Variants in ANK3 observed in about 807,000 individuals in gnomAD.
ANK3 encodes ankyrin-3.
Under a neutral mutation model 370.9 loss-of-function variants are expected in ANK3, and 57 were observed. That is an observed-to-expected ratio of 0.15 (90% CI 0.12 to 0.19). The LOEUF (loss-of-function observed/expected upper bound fraction) is 0.19, where lower values mean the gene tolerates loss of function less well. Ranked by LOEUF, ANK3 falls within the 10% of genes least tolerant of loss-of-function variation. The pLI is 1.00. For synonymous variants in ANK3, 1,929 were observed against 1,946.3 expected, an observed-to-expected ratio of 0.99 and a Z score of 0.23; for missense variants, 4,439 against 5,302.1, an observed-to-expected ratio of 0.84 and a Z score of 5.06.
intron 28 of ANK3, among the ~76,000 whole-genome samples, chr10:60,091,606 G>A (rs900932875): frequency 5.9e-5 from 9 of 152,122 alleles, no homozygotes; most frequent in African/African-American, 2.2e-4. Context: ...CTGGAGGGAG[G>A]ATAGGAGGGA....
chr10:60,517,762 GAGA>G (rs1330434296), intron 2 of ANK3, among the ~76,000 whole-genome samples: 4 of 123,814 alleles, frequency 3.2e-5, no homozygotes. Flanking sequence ...GAGAAAGAGA[GAGA>G]GAGAGAGAGA....
At chr10:60,664,535 G>C (rs2078973403) in intron 1 of ANK3, among the ~76,000 whole-genome samples, 1 of 152,156 alleles carries the variant, frequency 6.6e-6, no homozygotes, top group South Asian at 2.1e-4. Flanking sequence ...GTTAGCCATT[G>C]AAAGTCTCAA....
intron 7 of ANK3, among the ~76,000 whole-genome samples, chr10:60,240,918 C>A (rs903126620): frequency 1.3e-5 from 2 of 152,206 alleles, no homozygotes; most frequent in African/African-American, 2.4e-5. Context: ...TTAACAATTT[C>A]TTTCAGTAAT....
chr10:60,705,816 TTTTC>T (rs1564592718), intron 1 of ANK3, among the ~76,000 whole-genome samples: 2 of 125,148 alleles, frequency 1.6e-5, no homozygotes, highest in Non-Finnish European at 3.3e-5. Flanking sequence ...AGGTTTTTTT[TTTTC>T]TTTCTTTTTT....
rs578203588 is a variant in ANK3, at chr10:60,671,944, CAG to C, written c.58-56722_58-56721del. 2.8e-3 allele frequency among the ~76,000 whole-genome samples: 421 copies of C among 152,330 alleles called. 1 individual carries two copies. Among genetic ancestry groups the C allele is most frequent in the African/African-American group, 9.8e-3 (409 of 41,582 alleles). On this transcript the variant is annotated intron_variant, in intron 1 of 43. Coordinates refer to the ANK3 transcript ENST00000373827. ...TCATGTATGCAGATAACTGCAGTCC[CAG>C]CTGACATCTTGGCAGCAACTTAGTG...
intron 2 of ANK3, among the ~76,000 whole-genome samples, chr10:60,468,995 GTGTATATA>G (rs201575126): frequency 0.52 from 17,857 of 34,558 alleles, 5,331 homozygotes; most frequent in East Asian, 0.73. Flanking sequence ...CACTTTTAGT[GTGTATATA>G]TATATATATA....
At chr10:60,032,055 G>GCACCAGGC (rs2073717535) in intron 43 of ANK3, among the ~76,000 whole-genome samples, 1 of 151,822 alleles carries the variant, frequency 6.6e-6, no homozygotes, top group Non-Finnish European at 1.5e-5. Context: ...AATCTTGTAG[G>GCACCAGGC]CACCAGGCTT....
chr10:60,239,548 T>C (rs760600775), intron 7 of ANK3, among the ~76,000 whole-genome samples: 67 of 151,978 alleles, frequency 4.4e-4, no homozygotes, highest in Non-Finnish European at 8.2e-4. Flanking sequence ...CAAGGAGTAA[T>C]AAAGACTTTT....
At chr10:60,269,638 C>T (rs1414166993) in intron 5 of ANK3, among the ~76,000 whole-genome samples, 3 of 146,246 alleles carry the variant, frequency 2.1e-5, no homozygotes. Context: ...GAGTGAGACT[C>T]CATCCCCCCT....
intron 33 of ANK3, 126 bp from the exon 34 acceptor site, chr10:60,082,863 TG>T: frequency 8.8e-7 from 1 of 1,141,304 alleles, no homozygotes; most frequent in African/African-American, 1.6e-5. Context: ...AGGGAAAAGA[TG>T]ATGATTACGA....
chr10:60,376,049 G>A (rs764047377), intron 1 of ANK3, among the ~76,000 whole-genome samples: 3 of 152,120 alleles, frequency 2.0e-5, no homozygotes, highest in Non-Finnish European at 4.4e-5. Flanking sequence ...TGAGGGCACA[G>A]GGGCTCAGAG....
intron 2 of ANK3, among the ~76,000 whole-genome samples, chr10:60,538,717 A>T (rs1412966932): frequency 6.6e-6 from 1 of 151,986 alleles, no homozygotes; most frequent in East Asian, 1.9e-4. Context: ...TGCATTTAAA[A>T]CTTCTAAAGG....
At chr10:60,349,535 A>G (rs2132690924) in intron 1 of ANK3, among the ~76,000 whole-genome samples, 1 of 152,252 alleles carries the variant, frequency 6.6e-6, no homozygotes, top group South Asian at 2.1e-4. Flanking sequence ...AAAACTCCAA[A>G]ATGTATGAAA....
chr10:60,450,217 C>T (rs191601087), intron 2 of ANK3, among the ~76,000 whole-genome samples: 1 of 152,142 alleles, frequency 6.6e-6, no homozygotes, highest in East Asian at 1.9e-4. Context: ...TCACTTGAGC[C>T]CAGGAGTTGG....
chr10:60,058,430 A>T (rs1475747463), intron 41 of ANK3, among the ~76,000 whole-genome samples: 2 of 152,242 alleles, frequency 1.3e-5, no homozygotes, highest in Admixed American at 1.3e-4. Flanking sequence ...CATCATGGCA[A>T]TATTATTTGG....
At chr10:60,344,505 G>T (rs933272884) in intron 1 of ANK3, among the ~76,000 whole-genome samples, 10 of 152,120 alleles carry the variant, frequency 6.6e-5, no homozygotes, top group African/African-American at 2.4e-4. Context: ...GCACAGCAAA[G>T]AGGTATAAAA....
intron 1 of ANK3, among the ~76,000 whole-genome samples, chr10:60,664,123 G>A (rs2078968951): frequency 6.6e-6 from 1 of 152,222 alleles, no homozygotes; most frequent in Admixed American, 6.5e-5. Context: ...GAGGACACGT[G>A]AGATAGCACG....
intron 2 of ANK3, among the ~76,000 whole-genome samples, chr10:60,396,327 G>C (rs987700494): frequency 6.6e-6 from 1 of 152,196 alleles, no homozygotes; most frequent in Non-Finnish European, 1.5e-5. Flanking sequence ...TGAGGAGCCA[G>C]CTGAATCAGG....
chr10:60,076,285 T>C lies in ANK3; in HGVS notation c.4596A>G (p.Pro1532=). The part of the protein sequence containing the change: ...TSLSSSSSNT[P]SASPLKSIWS... ...ATATTGATTTTAACGGAGAAGCTGA[T>C]GGCGTATTAGAGGAAGAACTTGATA... The change falls in exon 37 of 44, where the codon CCA becomes CCG. Residue 1532 remains proline (P), a synonymous_variant. Coordinates refer to ENST00000280772, the MANE Select transcript of ANK3 (RefSeq NM_020987.5). The C allele has an allele frequency of 6.2e-7, 1 of 1,614,116 alleles. No homozygotes were observed.
Sources: gnomAD v4.1 joint callset for allele counts (sites outside exome capture counted in the v4.1 genomes callset) on GRCh38, gnomAD v4.1.1 for gene constraint, MANE v1.5 for transcripts, NCBI Gene and HGNC (gene_info 2026-07-23, HGNC 2026-07-21) for gene names.